Variants in KIF26B observed in about 807,000 individuals in gnomAD.
KIF26B encodes kinesin-like protein KIF26B.
A neutral mutation model predicts 151.2 loss-of-function variants in KIF26B; 63 were observed. The observed-to-expected ratio is 0.42, with a 90% CI of 0.34 to 0.51. The LOEUF (loss-of-function observed/expected upper bound fraction) is 0.51. KIF26B is among the 20% of genes least tolerant of loss of function. KIF26B has a pLI of 0.07. For missense variants in KIF26B, 2,813 were observed against 2,913.6 expected (o/e 0.97, Z 0.79); for synonymous variants, 1,357 against 1,262.1 (o/e 1.08, Z -1.59).
chr1:245,303,455 C>G (rs1045640046), intron 2 of KIF26B, among the ~76,000 whole-genome samples: 1 of 152,086 alleles, frequency 6.6e-6, no homozygotes, highest in Non-Finnish European at 1.5e-5. Context: ...GCCTCGGCCT[C>G]CCAAAGTGCT....
intron 4 of KIF26B, among the ~76,000 whole-genome samples, chr1:245,526,288 G>A (rs1211975994): frequency 6.6e-6 from 1 of 152,164 alleles, no homozygotes; most frequent in Non-Finnish European, 1.5e-5. Context: ...AGCATAGACA[G>A]GAAAGGAGGG....
At chr1:245,159,467 A>G (rs1668499928) in intron 2 of KIF26B, among the ~76,000 whole-genome samples, 1 of 152,220 alleles carries the variant, frequency 6.6e-6, no homozygotes, top group African/African-American at 2.4e-5. Context: ...AATGAATGAG[A>G]CTATTAAAAC....
At chr1:245,461,665 C>T (rs542159798) in intron 4 of KIF26B, among the ~76,000 whole-genome samples, 3 of 152,152 alleles carry the variant, frequency 2.0e-5, no homozygotes, top group Non-Finnish European at 4.4e-5. Context: ...CTGTGGTTCT[C>T]GGGGAAGCTG....
At chr1:245,589,349 G>C (rs1011085081) in intron 5 of KIF26B, among the ~76,000 whole-genome samples, 5 of 152,128 alleles carry the variant, frequency 3.3e-5, no homozygotes, top group African/African-American at 1.2e-4. Context: ...CTGTGATCTC[G>C]CAGGCTGGCA....
At position 245,563,523 on chromosome 1, in the gene KIF26B, T is replaced by A. The variant is rs897682075; in HGVS notation, c.1350+22573T>A. Among the ~76,000 whole-genome samples the A allele has an allele frequency of 6.6e-6, 1 of 152,166 alleles. No individual in the cohort carries two copies. Among genetic ancestry groups the A allele is most frequent in the Non-Finnish European group, 1.5e-5 (1 of 68,030 alleles). On this transcript the variant is annotated intron_variant, in intron 5 of 14. Coordinates refer to ENST00000407071, the MANE Select transcript of KIF26B (RefSeq NM_018012.4). This position sits in a 1 kb window ranked among gnomAD's most constrained non-coding sequence, Gnocchi z 4.6. ...TCCCTCTCACTTACTCCTCCACGTG[T>A]CCCATTTCTCTGCCTTCTTAATGGC...
intron 4 of KIF26B, among the ~76,000 whole-genome samples, chr1:245,498,532 A>G (rs1660555712): frequency 6.6e-6 from 1 of 152,200 alleles, no homozygotes; most frequent in Non-Finnish European, 1.5e-5. Flanking sequence ...CAGAGCGTGC[A>G]TATAAGCAAA....
chr1:245,612,087 TGTGTGTGTGTGTGTGTGTGA>T (rs1183788214), intron 9 of KIF26B, 111 bp downstream of exon 9: 6 of 737,990 alleles, frequency 8.1e-6, no homozygotes, highest in African/African-American at 7.3e-5. Flanking sequence ...TGTGTGTGTG[TGTGTGTGTGTGTGTGTGTGA>T]GAGAGAGAGA....
intron 2 of KIF26B, among the ~76,000 whole-genome samples, chr1:245,323,914 GATGGAGGTGGAGGTGGGGTAGACCC>G (rs1671933928): frequency 6.6e-6 from 1 of 151,002 alleles, no homozygotes; most frequent in African/African-American, 2.4e-5. Flanking sequence ...GCCATGGGTG[GATGGAGGTGGAGGTGGGGTAGACCC>G]TTATGTGGGT....
At chr1:245,628,031 C>T (rs1460989567) in intron 9 of KIF26B, among the ~76,000 whole-genome samples, 1 of 152,234 alleles carries the variant, frequency 6.6e-6, no homozygotes, top group Non-Finnish European at 1.5e-5. Context: ...GATGGATTCA[C>T]AGCCGCATTC....
chr1:245,370,299 A>G (rs2103011934), intron 3 of KIF26B, among the ~76,000 whole-genome samples: 1 of 151,986 alleles, frequency 6.6e-6, no homozygotes, highest in South Asian at 2.1e-4. Context: ...ATTTCATTAT[A>G]TGAATATTTT....
intron 2 of KIF26B, among the ~76,000 whole-genome samples, chr1:245,177,624 G>A (rs1668832744): frequency 6.6e-6 from 1 of 151,872 alleles, no homozygotes; most frequent in African/African-American, 2.4e-5. Flanking sequence ...TGAAGGGGTA[G>A]GATTCATTGC....
chr1:245,166,505 G>GT lies in KIF26B; in HGVS notation c.465+9828dup, dbSNP rs762019753. On this transcript the variant is annotated intron_variant, in intron 2 of 14. Transcript: ENST00000407071. The surrounding 1 kb of genome is among the most constrained non-coding windows in gnomAD (Gnocchi z 4.5). Reference sequence around the variant, plus strand: ...GAGGTGCCATGAATATGGATTGAGAGTTTTTTGTCACAGATGGAAATCCCT... The same window carrying GT: ...GAGGTGCCATGAATATGGATTGAGAGTTTTTTTGTCACAGATGGAAATCCCT... 3.1e-4 allele frequency among the ~76,000 whole-genome samples: 47 copies of GT among 152,296 alleles called. 1 individual carries two copies. Among genetic ancestry groups the GT allele is most frequent in the Non-Finnish European group, 5.7e-4 (39 of 68,018 alleles).
intron 10 of KIF26B, among the ~76,000 whole-genome samples, chr1:245,664,880 A>G (rs1163288491): frequency 6.6e-6 from 1 of 152,160 alleles, no homozygotes; most frequent in African/African-American, 2.4e-5. Context: ...TGCCTTACCT[A>G]TATATTTACA....
chr1:245,162,617 C>T (rs1270010942), intron 2 of KIF26B, among the ~76,000 whole-genome samples: 1 of 152,122 alleles, frequency 6.6e-6, no homozygotes, highest in South Asian at 2.1e-4. Flanking sequence ...ATCTCTTGAC[C>T]TTGTGATCCA....
At chr1:245,504,545 C>T (rs1472665836) in intron 4 of KIF26B, among the ~76,000 whole-genome samples, 1 of 151,942 alleles carries the variant, frequency 6.6e-6, no homozygotes, top group African/African-American at 2.4e-5. Flanking sequence ...ACCTCCTGGG[C>T]TCAAGCAATC....
intron 4 of KIF26B, among the ~76,000 whole-genome samples, chr1:245,491,495 G>A (rs1660408611): frequency 6.6e-6 from 1 of 152,178 alleles, no homozygotes; most frequent in Non-Finnish European, 1.5e-5. Flanking sequence ...AACTTGGCCT[G>A]GATCATAAAG....
chr1:245,497,407 G>A (rs1660535535), intron 4 of KIF26B, among the ~76,000 whole-genome samples: 1 of 152,020 alleles, frequency 6.6e-6, no homozygotes, highest in East Asian at 1.9e-4. Context: ...AGCAATTCTT[G>A]ACAAATTTCA....
intron 10 of KIF26B, among the ~76,000 whole-genome samples, chr1:245,659,901 AG>A (rs2044116034): frequency 6.7e-6 from 1 of 148,886 alleles, no homozygotes; most frequent in Non-Finnish European, 1.5e-5. Context: ...AAAAAAAAAA[AG>A]CCAGGCGTGG....
intron 4 of KIF26B, among the ~76,000 whole-genome samples, chr1:245,443,916 TGCGGTCATCTCCCTCACTGTTCACCTAGA>T (rs1433322407): frequency 4.8e-5 from 6 of 124,728 alleles, no homozygotes; most frequent in Non-Finnish European, 8.5e-5. Context: ...CTGTTCACCC[TGCGGTCATCTCCCTCACTGTTCACCTAGA>T]GCGGTCATCT....
Sources: gnomAD v4.1 joint callset for allele counts (sites outside exome capture counted in the v4.1 genomes callset) on GRCh38, gnomAD v4.1.1 for gene constraint, Gnocchi (gnomAD v3.1) non-coding constraint, MANE v1.5 for transcripts, NCBI Gene and HGNC (gene_info 2026-07-23, HGNC 2026-07-21) for gene names.